MAPK8: variants seen among roughly 807,000 people sequenced by gnomAD.
The protein encoded by MAPK8 is mitogen-activated protein kinase 8.
A neutral mutation model predicts 52.9 loss-of-function variants in MAPK8; 13 were observed. The observed-to-expected ratio is 0.25, with a 90% CI of 0.16 to 0.39. MAPK8 has a LOEUF of 0.39. Ranked by LOEUF, MAPK8 falls within the 10% of genes least tolerant of loss-of-function variation. The pLI, the probability that MAPK8 is intolerant of heterozygous loss-of-function variation, is 1.00. For synonymous variants in MAPK8, 191 were observed against 169.8 expected (o/e 1.12, Z -0.97); for missense variants, 300 against 519.2 (o/e 0.58, Z 4.10).
rs1476577482 is a variant in MAPK8 at position 48,437,509 on chromosome 10, TATC to T, written c.*2481_*2483del. 1.3e-5 allele frequency: 2 copies of T among 152,242 alleles called. No individual in the cohort carries two copies. Among genetic ancestry groups the T allele is most frequent in the African/African-American group, 4.8e-5 (2 of 41,472 alleles). 9.4% of individuals were successfully genotyped at this position (152,242 alleles called of 1,614,324 possible). A position where few individuals can be genotyped will look rare whatever the true frequency, so the allele number is the denominator to read the frequency against. On this transcript the variant is annotated 3_prime_UTR_variant, in exon 12 of 12. Coordinates refer to ENST00000374189, the MANE Select transcript of MAPK8 (RefSeq NM_001323329.2). ...AAGTTATTTTGACCAAGATTTTTAT[TATC>T]TTCATAGATTCAGAAAGAGATGCTA...
At chr10:48,325,076 A>G (rs540574589) in intron 1 of MAPK8, among the ~76,000 whole-genome samples, 1 of 151,942 alleles carries the variant, frequency 6.6e-6, no homozygotes, top group South Asian at 2.1e-4. Flanking sequence ...CCTGGGTTCA[A>G]GCGATTCTCT....
At chr10:48,420,402 G>A (rs1019262428) in intron 6 of MAPK8, 82 bp downstream of exon 6, 8 of 1,288,454 alleles carry the variant, frequency 6.2e-6, no homozygotes, top group Non-Finnish European at 8.5e-6. Flanking sequence ...AAATACTTAA[G>A]CAGAAGTACG....
At chr10:48,350,417 A>G (rs1846197246) in intron 1 of MAPK8, among the ~76,000 whole-genome samples, 1 of 152,218 alleles carries the variant, frequency 6.6e-6, no homozygotes, top group South Asian at 2.1e-4. Context: ...AAGCTTATCC[A>G]CCATGATCAA....
At chr10:48,423,803 C>A (rs768923633) in intron 6 of MAPK8, among the ~76,000 whole-genome samples, 12 of 152,014 alleles carry the variant, frequency 7.9e-5, no homozygotes, top group African/African-American at 9.7e-5. Flanking sequence ...TAAACAAGTT[C>A]TCAGGGACAA....
intron 1 of MAPK8, among the ~76,000 whole-genome samples, chr10:48,313,290 G>C (rs1211460486): frequency 6.6e-6 from 1 of 152,048 alleles, no homozygotes; most frequent in Non-Finnish European, 1.5e-5. Context: ...AAAATTAGCT[G>C]GGCGTGGTAG....
chr10:48,398,289 A>G (rs967893228), intron 1 of MAPK8, among the ~76,000 whole-genome samples: 3 of 152,232 alleles, frequency 2.0e-5, no homozygotes, highest in African/African-American at 7.2e-5. Context: ...GTATTTTTAC[A>G]ATAGGGAAAA....
At chr10:48,359,210 CTTA>C (rs1424174213) in intron 1 of MAPK8, among the ~76,000 whole-genome samples, 1 of 152,040 alleles carries the variant, frequency 6.6e-6, no homozygotes, top group South Asian at 2.1e-4. Flanking sequence ...TATTTATTAG[CTTA>C]TTAACTTTTA....
intron 1 of MAPK8, among the ~76,000 whole-genome samples, chr10:48,336,094 G>A (rs72792284): frequency 0.095 from 14,466 of 151,894 alleles, 720 homozygotes; most frequent in Non-Finnish European, 0.11. Context: ...GGTATTTGAC[G>A]GTCAAGATTT....
intron 1 of MAPK8, among the ~76,000 whole-genome samples, chr10:48,391,407 T>C (rs2041614128): frequency 6.6e-6 from 1 of 152,206 alleles, no homozygotes; most frequent in Non-Finnish European, 1.5e-5. Flanking sequence ...TCAGAAACCA[T>C]GGCATTTCCT....
chr10:48,404,821 T>C, intron 2 of MAPK8, 31 bp from the exon 3 acceptor site: 1 of 1,568,482 alleles, frequency 6.4e-7, no homozygotes, highest in Non-Finnish European at 8.6e-7. Context: ...GCTTGAAGTT[T>C]TTTTGTGTGT....
chr10:48,427,060 T>C lies in MAPK8; in HGVS notation c.997-20T>C. ...ACTCCCAGCATACTGACTTGGTTAT[T>C]ATTGCCTTGTGTTTTTCAGCCACCA... On this transcript the variant is annotated intron_variant, in intron 9 of 11. Transcript: ENST00000374189. The C allele has an allele frequency of 6.2e-7, 1 of 1,603,620 alleles. No individual in the cohort carries two copies. The highest frequency in any genetic ancestry group is 8.5e-7 in the Non-Finnish European group (1 of 1,171,066).
chr10:48,393,138 TAAC>T (rs932991727), intron 1 of MAPK8, among the ~76,000 whole-genome samples: 72 of 152,302 alleles, frequency 4.7e-4, no homozygotes, highest in African/African-American at 1.7e-3. Context: ...TCTTTTTACT[TAAC>T]GACTACTCTT....
chr10:48,339,175 A>G (rs1317786458), intron 1 of MAPK8, among the ~76,000 whole-genome samples: 1 of 152,176 alleles, frequency 6.6e-6, no homozygotes, highest in African/African-American at 2.4e-5. Context: ...ATATTACCCA[A>G]CTTCAGACTA....
At chr10:48,316,583 A>G (rs1214685185) in intron 1 of MAPK8, among the ~76,000 whole-genome samples, 1 of 152,226 alleles carries the variant, frequency 6.6e-6, no homozygotes, top group African/African-American at 2.4e-5. Context: ...TATGAGAAGT[A>G]TGAAGTGAAT....
In MAPK8 at chr10:48,360,855, G is replaced by A. The variant is rs530608074; in HGVS notation, c.-49-40757G>A. ...CTTTAGGATAAATGGTACCTCTTGG[G>A]TGTGAGAGGAGGAGATGATTATGGG... On this transcript the variant is annotated intron_variant, in intron 1 of 11. Transcript: ENST00000374189. 1.5e-4 allele frequency among the ~76,000 whole-genome samples: 23 copies of A among 152,290 alleles called. No individual in the cohort carries two copies. In the East Asian group the frequency reaches 4.1e-3, roughly 27 times the overall value.
At chr10:48,409,787 G>T in intron 3 of MAPK8, 92 bp from the exon 4 acceptor site, 1 of 802,540 alleles carries the variant, frequency 1.2e-6, no homozygotes. Flanking sequence ...TTAAACTGAT[G>T]GTAGTTTTTT....
At chr10:48,396,580 G>C (rs2132912344) in intron 1 of MAPK8, among the ~76,000 whole-genome samples, 1 of 152,182 alleles carries the variant, frequency 6.6e-6, no homozygotes, top group African/African-American at 2.4e-5. Flanking sequence ...TCTTACTCCT[G>C]GATATTTACC....
intron 5 of MAPK8, among the ~76,000 whole-genome samples, chr10:48,414,960 G>A (rs2042983001): frequency 2.0e-5 from 3 of 151,904 alleles, no homozygotes; most frequent in Non-Finnish European, 4.4e-5. Flanking sequence ...CCTTACTCAT[G>A]TAATAAAATA....
chr10:48,412,459 C>T (rs1411381026), intron 5 of MAPK8, among the ~76,000 whole-genome samples: 1 of 152,132 alleles, frequency 6.6e-6, no homozygotes, highest in African/African-American at 2.4e-5. Flanking sequence ...AGCAAATTTT[C>T]AGTCATTATT....
Sources: allele counts gnomAD v4.1 joint callset (sites outside exome capture counted in the v4.1 genomes callset), GRCh38; gene constraint gnomAD v4.1.1; transcripts MANE v1.5; gene names NCBI Gene and HGNC (gene_info 2026-07-23, HGNC 2026-07-21).